POU3F3: variants seen among roughly 807,000 people sequenced by gnomAD.
POU3F3 encodes the protein POU class 3 homeobox 3.
A neutral mutation model predicts 8.6 loss-of-function variants in POU3F3; 1 was observed. The ratio of observed to expected loss-of-function variants is 0.12; its 90% CI spans 0.04 to 0.55. The LOEUF (loss-of-function observed/expected upper bound fraction) is 0.55. POU3F3 is among the 20% of genes least tolerant of loss of function. The pLI, the probability that POU3F3 is intolerant of heterozygous loss-of-function variation, is 0.91. For missense variants in POU3F3, 577 were observed against 690.7 expected (o/e 0.84, Z 1.84); for synonymous variants, 418 against 327.4 (o/e 1.28, Z -2.99).
chr2:104,906,577 T>C, the POU3F3 span, among the ~76,000 whole-genome samples: 4 of 152,228 alleles, frequency 2.6e-5, no homozygotes, highest in African/African-American at 9.6e-5. Flanking sequence ...AAAAGGAACT[T>C]CTATTGGGAT....
chr2:104,901,947 A>G, the POU3F3 span, among the ~76,000 whole-genome samples: 1 of 152,234 alleles, frequency 6.6e-6, no homozygotes, highest in Admixed American at 6.5e-5. Flanking sequence ...GGAGTTGCGT[A>G]TTAATGCCCC....
At chr2:104,872,594 G>C in the POU3F3 span, 3 of 281,322 alleles carry the variant, frequency 1.1e-5, no homozygotes, top group East Asian at 4.1e-4. This position sits in a 1 kb window ranked among gnomAD's most constrained non-coding sequence, Gnocchi z 4.6. Flanking sequence ...GGACGCACTC[G>C]CTCTGCGCCC....
the POU3F3 span, among the ~76,000 whole-genome samples, chr2:104,878,491 A>G: frequency 7.3e-4 from 111 of 152,344 alleles, no homozygotes; most frequent in African/African-American, 2.2e-3. Flanking sequence ...CATATTCTCA[A>G]TGGAAGCTTG....
In POU3F3 at chr2:104,855,445, G is replaced by GCGGCGC; in HGVS notation, c.-65_-64insGGCGCC. ...CGCGGCGGCGGCGGCGGCGGCGGCG[G>GCGGCGC]CCGCGGCTGCTGCTGCGGCGGCGGC... On this transcript the variant is annotated 5_prime_UTR_variant, in exon 1 of 1. Transcript: ENST00000361360. 1 of 839,056 alleles carries GCGGCGC rather than the reference G, an allele frequency of 1.2e-6. No homozygotes were observed. Among genetic ancestry groups the GCGGCGC allele is most frequent in the Non-Finnish European group, 1.4e-6 (1 of 704,918 alleles). The allele number at this position is 839,056 out of a possible 1,614,324, so 52.0% of individuals were successfully genotyped here.
At chr2:104,868,723 G>C in the POU3F3 span, among the ~76,000 whole-genome samples, 1 of 152,176 alleles carries the variant, frequency 6.6e-6, no homozygotes, top group Admixed American at 6.5e-5. Flanking sequence ...GGGCAGAGGA[G>C]GGGGAGGCAA....
At chr2:104,880,519 T>TGGA in the POU3F3 span, among the ~76,000 whole-genome samples, 1 of 152,148 alleles carries the variant, frequency 6.6e-6, no homozygotes, top group South Asian at 2.1e-4. Context: ...CATGCTGCAG[T>TGGA]GGAGATCCTT....
the POU3F3 span, among the ~76,000 whole-genome samples, chr2:104,874,026 G>C: frequency 6.6e-6 from 1 of 152,372 alleles, no homozygotes; most frequent in Non-Finnish European, 1.5e-5. Context: ...CCTGCTTCTG[G>C]AAAGGAACAG....
rs1342252706 is a variant in POU3F3 at position 104,857,214 on chromosome 2, C to T, written c.*201C>T. ...CCACCCAGAGACAGGCATGCCCGCC[C>T]TTGGAGGAGAAAACGCGGGAGAAAC... On this transcript the variant is annotated 3_prime_UTR_variant, in exon 1 of 1. Transcript: ENST00000361360. 1 of 525,928 alleles carries T rather than the reference C, an allele frequency of 1.9e-6. No homozygotes were observed. The highest frequency in any genetic ancestry group is 2.4e-6 in the Non-Finnish European group (1 of 408,742). The allele number at this position is 525,928 out of a possible 1,614,324, so 32.6% of individuals were successfully genotyped here. A position where few individuals can be genotyped will look rare whatever the true frequency, so the allele number is the denominator to read the frequency against.
At chr2:104,878,751 AG>A in the POU3F3 span, among the ~76,000 whole-genome samples, 4 of 152,000 alleles carry the variant, frequency 2.6e-5, no homozygotes, top group African/African-American at 7.2e-5. Flanking sequence ...GGAATTACTG[AG>A]GGGGGTGTTT....
chr2:104,895,644 A>G, the POU3F3 span, among the ~76,000 whole-genome samples: 1 of 152,184 alleles, frequency 6.6e-6, no homozygotes, highest in Non-Finnish European at 1.5e-5. Context: ...GAGACAAACA[A>G]ATGCAAATGA....
the POU3F3 span, among the ~76,000 whole-genome samples, chr2:104,923,332 G>A: frequency 1.3e-5 from 2 of 152,110 alleles, no homozygotes; most frequent in African/African-American, 4.8e-5. Flanking sequence ...AAAATTATTT[G>A]TTTGGTTTTG....
the POU3F3 span, among the ~76,000 whole-genome samples, chr2:104,894,650 G>A: frequency 2.6e-5 from 4 of 151,960 alleles, no homozygotes; most frequent in African/African-American, 7.3e-5. Context: ...TGTGCTTTCA[G>A]GACAGAATTC....
At chr2:104,907,941 A>C in the POU3F3 span, among the ~76,000 whole-genome samples, 1 of 152,120 alleles carries the variant, frequency 6.6e-6, no homozygotes, top group East Asian at 1.9e-4. Flanking sequence ...GTGTGTGTGT[A>C]TGTGCATGTG....
the POU3F3 span, among the ~76,000 whole-genome samples, chr2:104,897,506 A>C: frequency 1.3e-5 from 2 of 152,092 alleles, no homozygotes; most frequent in East Asian, 3.9e-4. Flanking sequence ...CCTACAGCCC[A>C]CTCAGCCAAT....
chr2:104,859,775 CAG>C (rs776664230), downstream of POU3F3, among the ~76,000 whole-genome samples: 1 of 152,160 alleles, frequency 6.6e-6, no homozygotes. Context: ...ATATATTAAA[CAG>C]AGAGAAGAAA....
chr2:104,863,740 C>A, the POU3F3 span, among the ~76,000 whole-genome samples: 28,849 of 152,192 alleles, frequency 0.19, 3,716 homozygotes, highest in Non-Finnish European at 0.28. Context: ...TTTGTCTTCC[C>A]GAAGGATGCG....
At chr2:104,927,622 C>T in the POU3F3 span, among the ~76,000 whole-genome samples, 2 of 137,098 alleles carry the variant, frequency 1.5e-5, no homozygotes, top group African/African-American at 5.7e-5. Flanking sequence ...TCAGGTGCTG[C>T]GGCATGCACC....
At chr2:104,861,385 A>T (rs1244291880), downstream of POU3F3, among the ~76,000 whole-genome samples, 2 of 152,194 alleles carry the variant, frequency 1.3e-5, 1 homozygote, top group Middle Eastern at 6.3e-3. Context: ...GGTGGACCTG[A>T]TTGTTTTTTT....
the POU3F3 span, among the ~76,000 whole-genome samples, chr2:104,885,624 C>T: frequency 6.6e-6 from 1 of 152,156 alleles, no homozygotes; most frequent in Non-Finnish European, 1.5e-5. Flanking sequence ...AAGGAAGTTA[C>T]CCTATATGGT....
Sources: gnomAD v4.1 joint callset for allele counts (sites outside exome capture counted in the v4.1 genomes callset) on GRCh38, gnomAD v4.1.1 for gene constraint, Gnocchi (gnomAD v3.1) non-coding constraint, MANE v1.5 for transcripts, NCBI Gene and HGNC (gene_info 2026-07-23, HGNC 2026-07-21) for gene names.